Variants in TRHDE observed in about 807,000 individuals in gnomAD.
TRHDE encodes thyrotropin-releasing hormone-degrading ectoenzyme.
A neutral mutation model predicts 125.7 loss-of-function variants in TRHDE; 72 were observed. That is an observed-to-expected ratio of 0.57 (90% CI 0.47 to 0.70). The LOEUF (loss-of-function observed/expected upper bound fraction) is 0.70. Among genes scored for constraint, TRHDE ranks in the 30% least tolerant of loss-of-function variants. The pLI, the probability that TRHDE is intolerant of heterozygous loss-of-function variation, is 0.00. For synonymous variants in TRHDE, 509 were observed against 509.1 expected (o/e 1.00, Z 0.00); for missense variants, 1,110 against 1,327.1 (o/e 0.84, Z 2.54).
chr12:72,502,613 AG>A (rs1878202928), intron 6 of TRHDE, among the ~76,000 whole-genome samples: 2 of 152,158 alleles, frequency 1.3e-5, no homozygotes, highest in Admixed American at 1.3e-4. Flanking sequence ...CCACTTCAAA[AG>A]AATATGTATT....
chr12:72,628,300 C>A (rs305396), intron 15 of TRHDE, among the ~76,000 whole-genome samples: 84,037 of 151,654 alleles, frequency 0.55, 28,375 homozygotes, highest in Non-Finnish European at 0.74. Context: ...AAGTTCACTT[C>A]CCTGCAGAAT....
rs1367997428 is a variant in TRHDE, at chr12:72,668,719, G to A, written c.*5524G>A. On this transcript the variant is annotated 3_prime_UTR_variant, in exon 19 of 19. Coordinates refer to ENST00000261180, the MANE Select transcript of TRHDE (RefSeq NM_013381.3). The stretch of plus-strand genomic sequence containing the variant: ...ACATCAATTAATAACCCTGTGAAAT[G>A]TCATTAGCTCTAATTCACCAAAGAG... The A allele has an allele frequency of 6.6e-6, 1 of 151,794 alleles. No individual in the cohort carries two copies. The highest frequency in any genetic ancestry group is 2.4e-5 in the African/African-American group (1 of 41,396). The allele number at this position is 151,794 out of a possible 1,614,324, so 9.4% of individuals were successfully genotyped here.
rs562380884 is a variant in TRHDE, at chr12:72,453,496, C to T, written c.1316-16262C>T. ...TAGAATGTAAATTTTGGAAAATTTG[C>T]AGCCTGGCTATGTGGAAGAAAAGAA... On this transcript the variant is annotated intron_variant, in intron 3 of 18. Transcript: ENST00000261180. Among the ~76,000 whole-genome samples the T allele has an allele frequency of 3.2e-3, 492 of 152,244 alleles. 1 individual carries two copies. Among genetic ancestry groups the T allele is most frequent in the African/African-American group, 0.011 (457 of 41,536 alleles).
At chr12:72,381,597 C>CAT (rs1295345943) in intron 3 of TRHDE, among the ~76,000 whole-genome samples, 5 of 151,772 alleles carry the variant, frequency 3.3e-5, no homozygotes, top group Non-Finnish European at 7.4e-5. Flanking sequence ...GGGGTTTCAC[C>CAT]GTTTTAGCCG....
At chr12:72,338,836 T>C (rs1425506716) in intron 2 of TRHDE, among the ~76,000 whole-genome samples, 2 of 152,322 alleles carry the variant, frequency 1.3e-5, no homozygotes, top group South Asian at 2.1e-4. Context: ...TCTTAGTATA[T>C]GATTTCTCCA....
At chr12:72,340,732 C>A (rs983136015) in intron 2 of TRHDE, among the ~76,000 whole-genome samples, 1 of 152,110 alleles carries the variant, frequency 6.6e-6, no homozygotes, top group African/African-American at 2.4e-5. Flanking sequence ...TTGCCCTCAT[C>A]TTTAAGGATA....
chr12:72,546,630 G>A (rs570536721), intron 7 of TRHDE, among the ~76,000 whole-genome samples: 22 of 151,426 alleles, frequency 1.5e-4, no homozygotes, highest in South Asian at 6.2e-4. Context: ...AATCACTTCT[G>A]GTACATAATT....
chr12:72,627,094 C>T (rs753821176), intron 15 of TRHDE, among the ~76,000 whole-genome samples: 2 of 151,852 alleles, frequency 1.3e-5, no homozygotes, highest in Non-Finnish European at 1.5e-5. Flanking sequence ...CAGGGCTGCC[C>T]GCCCTTCCAA....
chr12:72,449,602 T>A (rs1875473343), intron 3 of TRHDE, among the ~76,000 whole-genome samples: 1 of 151,932 alleles, frequency 6.6e-6, no homozygotes. Flanking sequence ...TCCCTACTAT[T>A]TTTGATTTAT....
chr12:72,121,272 T>G (rs757855487), intron 2 of TRHDE, among the ~76,000 whole-genome samples: 1 of 152,222 alleles, frequency 6.6e-6, no homozygotes, highest in Non-Finnish European at 1.5e-5. Flanking sequence ...GGTGCTCCAG[T>G]ACAGCACCAA....
At chr12:72,179,232 C>T (rs1435274498) in intron 2 of TRHDE, among the ~76,000 whole-genome samples, 9 of 152,100 alleles carry the variant, frequency 5.9e-5, no homozygotes, top group South Asian at 2.1e-4. Flanking sequence ...GACACAGAAA[C>T]GAGTAACAAC....
chr12:72,277,905 A>G (rs994817391), intron 1 of TRHDE, among the ~76,000 whole-genome samples: 1 of 152,196 alleles, frequency 6.6e-6, no homozygotes, highest in African/African-American at 2.4e-5. Flanking sequence ...AAATGTAGTT[A>G]ATTAACAAAT....
chr12:72,413,599 G>T (rs932250380), intron 3 of TRHDE, among the ~76,000 whole-genome samples: 1 of 151,764 alleles, frequency 6.6e-6, no homozygotes, highest in African/African-American at 2.4e-5. Flanking sequence ...ATTTCTGAAA[G>T]ATAATGTCAA....
chr12:72,232,388 G>A (rs145956861), intron 2 of TRHDE, among the ~76,000 whole-genome samples: 6 of 152,236 alleles, frequency 3.9e-5, no homozygotes, highest in African/African-American at 1.4e-4. Context: ...GCCTCCAGGT[G>A]TGTGAAAGTC....
chr12:72,457,324 G>A (rs924988436), intron 3 of TRHDE, among the ~76,000 whole-genome samples: 17 of 152,050 alleles, frequency 1.1e-4, no homozygotes, highest in African/African-American at 3.9e-4. Flanking sequence ...TTCCATTTCT[G>A]TAATTGTGCT....
chr12:72,292,660 G>T (rs1467226323), intron 2 of TRHDE, among the ~76,000 whole-genome samples: 1 of 152,094 alleles, frequency 6.6e-6, no homozygotes, highest in African/African-American at 2.4e-5. Context: ...ATCTTACTAT[G>T]CTTCAAGCTC....
At chr12:72,431,791 C>A (rs1261996403) in intron 3 of TRHDE, 1 of 152,554 alleles carries the variant, frequency 6.6e-6, no homozygotes, top group East Asian at 1.9e-4. Flanking sequence ...AAAAGGTCAA[C>A]CAGATAGGTC....
rs1871274640 is a variant in TRHDE, at chr12:72,582,349, T to A, written c.2321+6807T>A. On this transcript the variant is annotated intron_variant, in intron 12 of 18. Coordinates refer to ENST00000261180, the MANE Select transcript of TRHDE (RefSeq NM_013381.3). ...AAAACTTACAGATTTTTTTTTTCAT[T>A]TCTGAGCCTGGTTTCAGAAATGGAA... The A allele has an allele frequency of 5.1e-6, 5 of 985,208 alleles. No homozygotes were observed. The South Asian group carries it at 2.3e-4, about 46-fold the overall frequency. The allele number at this position is 985,208 out of a possible 1,614,324, so 61.0% of individuals were successfully genotyped here.
At chr12:72,495,362 C>T (rs1159866358) in intron 5 of TRHDE, among the ~76,000 whole-genome samples, 1 of 151,930 alleles carries the variant, frequency 6.6e-6, no homozygotes, top group Non-Finnish European at 1.5e-5. Context: ...CCTGCTACTG[C>T]CTATTTATTA....
Sources: allele counts gnomAD v4.1 joint callset (sites outside exome capture counted in the v4.1 genomes callset), GRCh38; gene constraint gnomAD v4.1.1; transcripts MANE v1.5; gene names NCBI Gene and HGNC (gene_info 2026-07-23, HGNC 2026-07-21).